The following ANKH variants were observed in gnomAD, a reference collection of about 807,000 sequenced individuals.
The protein encoded by ANKH is ANKH inorganic pyrophosphate transport regulator.
Under a neutral mutation model 49.0 loss-of-function variants are expected in ANKH, and 15 were observed. The observed-to-expected ratio is 0.31, with a 90% CI of 0.20 to 0.47. ANKH has a LOEUF of 0.47. Among genes scored for constraint, ANKH ranks in the 20% least tolerant of loss-of-function variants. The pLI is 1.00. For missense variants in ANKH, 429 were observed against 652.0 expected (o/e 0.66, Z 3.72); for synonymous variants, 273 against 260.0 (o/e 1.05, Z -0.48).
At chr5:14,850,536 C>CTGGAATCCAGA (rs1742093802) in intron 1 of ANKH, among the ~76,000 whole-genome samples, 1 of 152,248 alleles carries the variant, frequency 6.6e-6, no homozygotes, top group Admixed American at 6.5e-5. Flanking sequence ...GAAGCCAGGA[C>CTGGAATCCAGA]AGTAGGCTGG....
At chr5:14,793,081 ATATAT>A (rs200348452) in intron 1 of ANKH, among the ~76,000 whole-genome samples, 3 of 116,340 alleles carry the variant, frequency 2.6e-5, no homozygotes, top group African/African-American at 1.1e-4. Context: ...ATATATAAAA[ATATAT>A]ATATAAATAT....
chr5:14,791,501 G>A (rs1218229578), intron 1 of ANKH, among the ~76,000 whole-genome samples: 6 of 152,016 alleles, frequency 3.9e-5, no homozygotes, highest in East Asian at 1.9e-4. Context: ...TCTTAGCTTC[G>A]TTTTCTTTTT....
chr5:14,771,476 T>A (rs376387620), intron 1 of ANKH, among the ~76,000 whole-genome samples: 2 of 152,232 alleles, frequency 1.3e-5, no homozygotes, highest in East Asian at 3.8e-4. Context: ...TGGACTTCCC[T>A]GTATGTAAGT....
At chr5:14,798,810 CCT>C (rs545186232) in intron 1 of ANKH, among the ~76,000 whole-genome samples, 2 of 152,132 alleles carry the variant, frequency 1.3e-5, no homozygotes, top group Non-Finnish European at 2.9e-5. Context: ...TCCAGGCCTC[CCT>C]GTTACCTGAA....
chr5:14,825,140 C>T (rs1195441890), intron 1 of ANKH, among the ~76,000 whole-genome samples: 1 of 152,146 alleles, frequency 6.6e-6, no homozygotes, highest in Non-Finnish European at 1.5e-5. Context: ...GCTACCATTA[C>T]CAAGATTTTT....
Position 14,785,970 on chromosome 5 carries a change from C to A in ANKH, c.97-16779G>T, listed in dbSNP as rs374178006. ...CTGAGGCAGGAGAATCGCTTGAACCCAGGAGGCACAGGTTGCAGTGAGCCG... is the reference window on the plus strand; with the variant it reads ...CTGAGGCAGGAGAATCGCTTGAACCAAGGAGGCACAGGTTGCAGTGAGCCG... On this transcript the variant is annotated intron_variant, in intron 1 of 11. Coordinates refer to ENST00000284268, the MANE Select transcript of ANKH (RefSeq NM_054027.6). 3.7e-4 allele frequency among the ~76,000 whole-genome samples: 53 copies of A among 143,834 alleles called. No individual in the cohort carries two copies. The East Asian group carries it at 0.01, about 28-fold the overall frequency. 94.4% of individuals were successfully genotyped at this position (143,834 alleles called of 152,430 possible). A position where few individuals can be genotyped will look rare whatever the true frequency, so the allele number is the denominator to read the frequency against.
In ANKH at chr5:14,770,712, C is replaced by A. The variant is rs557522018; in HGVS notation, c.97-1521G>T. ...GAACTTTCCATTTAATATTTCTGAACCTTGGTCAACCATGGGTAACTGTAA... is the reference window on the plus strand; with the variant it reads ...GAACTTTCCATTTAATATTTCTGAAACTTGGTCAACCATGGGTAACTGTAA... On this transcript the variant is annotated intron_variant, in intron 1 of 11. Coordinates refer to ENST00000284268, the MANE Select transcript of ANKH (RefSeq NM_054027.6). The surrounding 1 kb of genome is among the most constrained non-coding windows in gnomAD (Gnocchi z 4.1). Among the ~76,000 whole-genome samples, 2 of 152,186 alleles carry A rather than the reference C, an allele frequency of 1.3e-5. No individual in the cohort carries two copies. Among genetic ancestry groups the A allele is most frequent in the African/African-American group, 4.8e-5 (2 of 41,508 alleles).
In ANKH at chr5:14,713,563, C is replaced by T. The variant is rs755062446; in HGVS notation, c.1246G>A (p.Val416Met). The T allele has an allele frequency of 2.2e-5, 35 of 1,614,054 alleles. No individual in the cohort carries two copies. Among genetic ancestry groups the T allele is most frequent in the Non-Finnish European group, 2.4e-5 (28 of 1,180,034 alleles). Residue 416 changes from valine (V) to methionine (M), a missense_variant, in exon 10 of 12, where the codon GTG (valine) becomes ATG (methionine). Physicochemically the swap from Val to Met is conservative, Grantham distance 21 (BLOSUM62 1). Around this residue, in one of 2 missense-constraint regions of ANKH, gnomAD observed 378 missense variants for 615.3 expected, o/e 0.61. Transcript: ENST00000284268. The surrounding 1 kb of genome is among the most constrained non-coding windows in gnomAD (Gnocchi z 4.4). ...ACATACCCCAGGTAGGGTAGGACCACGAGGCTGGCGATGAGGACGATGATC... is the reference window on the plus strand; with the variant it reads ...ACATACCCCAGGTAGGGTAGGACCATGAGGCTGGCGATGAGGACGATGATC... ...LRIIVLIASL[V>M]VLPYLGVHGA... is the part of the protein sequence containing the mutation.
chr5:14,831,918 C>A (rs1240975554), intron 1 of ANKH, among the ~76,000 whole-genome samples: 2 of 152,128 alleles, frequency 1.3e-5, no homozygotes, highest in Non-Finnish European at 2.9e-5. Flanking sequence ...AATGAACTTT[C>A]AGGAACAAAG....
intron 1 of ANKH, among the ~76,000 whole-genome samples, chr5:14,783,752 G>A (rs547452987): frequency 9.2e-5 from 14 of 152,164 alleles, no homozygotes; most frequent in African/African-American, 3.1e-4. Context: ...AGAGAATAAC[G>A]TGAATAAAAT....
intron 1 of ANKH, among the ~76,000 whole-genome samples, chr5:14,793,105 T>A (rs566554598): frequency 3.4e-4 from 47 of 139,846 alleles, no homozygotes; most frequent in South Asian, 1.3e-3. Flanking sequence ...ATTTATTTAT[T>A]TATATATTAT....
rs1446018682 is a variant in ANKH at position 14,705,342 on chromosome 5, G to A, written c.*5855C>T. ...TCAGATCTGAAATGAAGAATGAGGT[G>A]ATTTTATTCTTCCATTGTAGGATCT... On this transcript the variant is annotated 3_prime_UTR_variant, in exon 12 of 12. Coordinates refer to ENST00000284268, the MANE Select transcript of ANKH (RefSeq NM_054027.6). The A allele has an allele frequency of 6.6e-6, 1 of 152,068 alleles. No individual in the cohort carries two copies. The highest frequency in any genetic ancestry group is 1.5e-5 in the Non-Finnish European group (1 of 68,016). 9.4% of individuals were successfully genotyped at this position (152,068 alleles called of 1,614,324 possible).
Position 14,749,247 on chromosome 5 carries a change from G to A in ANKH, c.747C>T (p.Ala249=). The A allele has an allele frequency of 6.2e-7, 1 of 1,614,120 alleles. No individual in the cohort carries two copies. Among genetic ancestry groups the A allele is most frequent in the Non-Finnish European group, 8.5e-7 (1 of 1,179,988 alleles). ...SFWWPLALIL[A]TQRISRPIVN... ...CAATAGGCCGACTGATTCTCTGTGT[G>A]GCCAGAATTAGAGCCAAAGGCCACC... The change falls in exon 6 of 12, where the codon GCC becomes GCT. Residue 249 remains alanine (A), a synonymous_variant. Transcript: ENST00000284268.
chr5:14,864,470 C>T (rs751709105), intron 1 of ANKH, among the ~76,000 whole-genome samples: 16 of 152,124 alleles, frequency 1.1e-4, no homozygotes, highest in Admixed American at 2.6e-4. Context: ...TGCAGATGGA[C>T]ATCTAAAGAA....
At chr5:14,783,289 TACACACAC>T (rs57904537) in intron 1 of ANKH, among the ~76,000 whole-genome samples, 27,318 of 144,420 alleles carry the variant, frequency 0.19, 2,670 homozygotes, top group East Asian at 0.42. Context: ...GCCACCATTC[TACACACAC>T]ACACACACAC....
chr5:14,716,800 A>G lies in ANKH; in HGVS notation c.1047T>C (p.Ser349=). The G allele has an allele frequency of 1.2e-6, 2 of 1,614,126 alleles. No homozygotes were observed. The highest frequency in any genetic ancestry group is 1.7e-6 in the Non-Finnish European group (2 of 1,179,940). The change falls in exon 9 of 12, where the codon TCT becomes TCC. Residue 349 remains serine (S), a synonymous_variant. Coordinates refer to ENST00000284268, the MANE Select transcript of ANKH (RefSeq NM_054027.6). The part of the protein sequence containing the change: ...CFVMFWTPNV[S]EKILIDIIGV... ...CGATGATGTCTATCAAGATTTTCTC[A>G]GACACGTTGGGTGTCCAAAACATCA...
intron 4 of ANKH, among the ~76,000 whole-genome samples, chr5:14,754,802 G>A (rs1450564594): frequency 2.0e-5 from 3 of 152,120 alleles, no homozygotes; most frequent in East Asian, 1.9e-4. Flanking sequence ...GAGACTGGGC[G>A]TGGTGGCTCA....
intron 1 of ANKH, among the ~76,000 whole-genome samples, chr5:14,799,641 A>C (rs565036312): frequency 6.6e-6 from 1 of 152,228 alleles, no homozygotes; most frequent in African/African-American, 2.4e-5. Flanking sequence ...GGATGACAGC[A>C]CATCTGTATA....
chr5:14,798,414 G>A, intron 1 of ANKH: 2 of 1,552,538 alleles, frequency 1.3e-6, no homozygotes, highest in Non-Finnish European at 8.8e-7. Context: ...GGGCAGGCGA[G>A]CCGGGGGAAT....
Sources: allele counts gnomAD v4.1 joint callset (sites outside exome capture counted in the v4.1 genomes callset), GRCh38; gene constraint gnomAD v4.1.1; regional missense constraint gnomAD v4.1.1; non-coding constraint Gnocchi (gnomAD v3.1); transcripts MANE v1.5; gene names NCBI Gene and HGNC (gene_info 2026-07-23, HGNC 2026-07-21).